YARS1: variants seen among roughly 807,000 people sequenced by gnomAD.
The protein encoded by YARS1 is tyrosyl-tRNA synthetase 1.
In YARS1, 36 loss-of-function variants were observed where a neutral mutation model predicts 62.2. That is an observed-to-expected ratio of 0.58 (90% CI 0.44 to 0.76). The LOEUF (loss-of-function observed/expected upper bound fraction) is 0.76, where lower values mean the gene tolerates loss of function less well. Among genes scored for constraint, YARS1 ranks in the 30% least tolerant of loss-of-function variants. The probability of loss-of-function intolerance (pLI) is 0.00; values close to 1 mark genes in which losing one functional copy is unlikely to be tolerated. For missense variants in YARS1, 524 were observed against 639.8 expected (o/e 0.82, Z 1.95); for synonymous variants, 234 against 244.9 (o/e 0.96, Z 0.42).
At chr1:32,781,788 T>C (rs1309268932) in intron 9 of YARS1, 1 of 162,356 alleles carries the variant, frequency 6.2e-6, no homozygotes, top group African/African-American at 2.4e-5. Context: ...ACCGGTTGGG[T>C]ATAATAGGTC....
intron 6 of YARS1, among the ~76,000 whole-genome samples, chr1:32,787,470 C>T (rs1253503464): frequency 6.6e-6 from 1 of 150,938 alleles, no homozygotes; most frequent in African/African-American, 2.4e-5. Flanking sequence ...TAGGTACTTG[C>T]AGATATTTTC....
At chr1:32,788,808 C>A (rs759088527) in intron 6 of YARS1, among the ~76,000 whole-genome samples, 1 of 152,130 alleles carries the variant, frequency 6.6e-6, no homozygotes, top group Non-Finnish European at 1.5e-5. Flanking sequence ...CTCTAGCAAT[C>A]CTCCTGCCTC....
chr1:32,817,305 G>T lies in YARS1; in HGVS notation c.-61C>A, dbSNP rs988614358. On this transcript the variant is annotated 5_prime_UTR_variant, in exon 1 of 13. Transcript: ENST00000373477. ...CACCAGAGCCCCTTCCTGGGTCACC[G>T]TCGCCGCCGCGTGCCGGGAACTGTC... The T allele has an allele frequency of 1.2e-6, 2 of 1,601,270 alleles. No individual in the cohort carries two copies. Among genetic ancestry groups the T allele is most frequent in the Non-Finnish European group, 1.7e-6 (2 of 1,171,516 alleles).
At chr1:32,785,521 G>GC (rs1557449262) in intron 8 of YARS1, among the ~76,000 whole-genome samples, 2 of 151,844 alleles carry the variant, frequency 1.3e-5, no homozygotes, top group African/African-American at 4.8e-5. Flanking sequence ...AACCTAGCGG[G>GC]CCAAGATGGA....
At chr1:32,803,428 G>A (rs113889404) in intron 4 of YARS1, among the ~76,000 whole-genome samples, 2,038 of 151,872 alleles carry the variant, frequency 0.013, 44 homozygotes, top group African/African-American at 0.047. Context: ...CACCATGCCC[G>A]GCCTATTTAG....
chr1:32,806,436 A>G lies in YARS1; in HGVS notation c.510+46T>C, dbSNP rs72880567. 298 of 1,612,944 alleles carry G rather than the reference A, an allele frequency of 1.8e-4. No homozygotes were observed. In the African/African-American group the frequency reaches 2.1e-3, roughly 12 times the overall value. Reference sequence around the variant, plus strand: ...TGCAATAAGATATGCCTGTCATCAAACCAGAGCAGAAAAGGTCATCGGGCC... The same window carrying G: ...TGCAATAAGATATGCCTGTCATCAAGCCAGAGCAGAAAAGGTCATCGGGCC... On this transcript the variant is annotated intron_variant, in intron 4 of 12. Transcript: ENST00000373477.
At chr1:32,790,835 C>A (rs1653391708) in intron 6 of YARS1, 2 of 328,990 alleles carry the variant, frequency 6.1e-6, no homozygotes, top group Non-Finnish European at 1.2e-5. Context: ...AAGTATTACC[C>A]TAGGAATCAA....
intron 1 of YARS1, among the ~76,000 whole-genome samples, chr1:32,813,156 T>C (rs890718482): frequency 2.0e-5 from 3 of 152,128 alleles, no homozygotes; most frequent in South Asian, 2.1e-4. Flanking sequence ...CTTGTATTGA[T>C]TTATGTTTTT....
At chr1:32,798,492 T>C (rs1653675136) in intron 4 of YARS1, among the ~76,000 whole-genome samples, 2 of 152,128 alleles carry the variant, frequency 1.3e-5, no homozygotes, top group South Asian at 2.1e-4. Context: ...GAAATATAAG[T>C]AGCATAAAGA....
At chr1:32,784,433 C>T (rs1653156479) in intron 8 of YARS1, among the ~76,000 whole-genome samples, 1 of 152,024 alleles carries the variant, frequency 6.6e-6, no homozygotes, top group South Asian at 2.1e-4. Context: ...TGTGACCTGG[C>T]CCTGCCTATC....
At chr1:32,814,388 CA>C (rs1404995242) in intron 1 of YARS1, among the ~76,000 whole-genome samples, 2 of 152,022 alleles carry the variant, frequency 1.3e-5, no homozygotes, top group Non-Finnish European at 2.9e-5. Context: ...CCCTCCAATC[CA>C]AGTTCTTTTT....
At chr1:32,786,779 T>C in intron 7 of YARS1, 161 bp downstream of exon 7, 2 of 1,040,234 alleles carry the variant, frequency 1.9e-6, no homozygotes, top group Non-Finnish European at 2.8e-6. Flanking sequence ...ACAATTAAAT[T>C]ACATCCCAAC....
rs753585352 is a variant in YARS1 at position 32,806,522 on chromosome 1, T to G, written c.470A>C (p.Glu157Ala). The part of the protein sequence containing the change: ...KAGAEVVKQV[E>A]HPLLSGLLYP... The stretch of plus-strand genomic sequence containing the variant: ...TAAGAGGCCACTCAGCAAAGGGTGC[T>G]CCACCTGCTTTACCACCTCAGCTCC... Residue 157 changes from glutamate to alanine, a missense_variant, in exon 4 of 13, where the codon GAG becomes GCG. Coordinates refer to ENST00000373477, the MANE Select transcript of YARS1 (RefSeq NM_003680.4). 6 of 1,614,090 alleles carry G rather than the reference T, an allele frequency of 3.7e-6. No individual in the cohort carries two copies. Among genetic ancestry groups the G allele is most frequent in the Non-Finnish European group, 4.2e-6 (5 of 1,180,028 alleles).
At chr1:32,797,502 G>A in intron 5 of YARS1, 1 of 545,934 alleles carries the variant, frequency 1.8e-6, no homozygotes, top group South Asian at 2.1e-5. Flanking sequence ...AATCCAACAG[G>A]TGCGGGAGCA....
At chr1:32,792,705 C>A (rs60802151) in intron 5 of YARS1, among the ~76,000 whole-genome samples, 1 of 151,698 alleles carries the variant, frequency 6.6e-6, no homozygotes, top group African/African-American at 2.4e-5. Flanking sequence ...ACGGTGAAAC[C>A]CCGTCTCTAC....
chr1:32,813,266 A>G (rs1395772174), intron 1 of YARS1, among the ~76,000 whole-genome samples: 2 of 152,212 alleles, frequency 1.3e-5, no homozygotes, highest in Non-Finnish European at 2.9e-5. Flanking sequence ...GTCAGGTGCC[A>G]TGGTCTTTAA....
intron 5 of YARS1, among the ~76,000 whole-genome samples, chr1:32,796,998 ATATATATATATATATATATATAT>A (rs1653618141): frequency 1.5e-3 from 8 of 5,506 alleles, no homozygotes; most frequent in Non-Finnish European, 1.3e-3. Context: ...AAAAAAAAAT[ATATATATATATATATATATATAT>A]ATATATATAT....
intron 1 of YARS1, chr1:32,816,748 C>T (rs905766447): frequency 5.5e-6 from 1 of 180,264 alleles, no homozygotes; most frequent in Non-Finnish European, 1.2e-5. Flanking sequence ...AGGTCACTTC[C>T]TCAGGGAAGC....
chr1:32,805,254 GGGGAGAGGGGGAGA>G (rs1557463303), intron 4 of YARS1, among the ~76,000 whole-genome samples: 2 of 135,538 alleles, frequency 1.5e-5, no homozygotes, highest in East Asian at 4.4e-4. Context: ...AGGGGGAGAG[GGGGAGAGGGGGAGA>G]GGGAGAGAGG....
Sources: gnomAD v4.1 joint callset for allele counts (sites outside exome capture counted in the v4.1 genomes callset) on GRCh38, gnomAD v4.1.1 for gene constraint, MANE v1.5 for transcripts, NCBI Gene and HGNC (gene_info 2026-07-23, HGNC 2026-07-21) for gene names.